PPP2R2C: variants seen among roughly 807,000 people sequenced by gnomAD.
PPP2R2C encodes protein phosphatase 2, regulatory subunit B, gamma.
PPP2R2C carries 10 observed loss-of-function variants against 45.3 expected under a neutral mutation model. The ratio of observed to expected loss-of-function variants is 0.22; its 90% confidence interval spans 0.14 to 0.37. PPP2R2C has a LOEUF of 0.37. Among genes scored for constraint, PPP2R2C ranks in the 10% least tolerant of loss-of-function variants. PPP2R2C has a pLI of 1.00. For synonymous variants in PPP2R2C, 257 were observed against 245.4 expected, an observed-to-expected ratio of 1.05 and a Z score of -0.44; for missense variants, 308 against 619.7, an observed-to-expected ratio of 0.50 and a Z score of 5.34.
intron 1 of PPP2R2C, among the ~76,000 whole-genome samples, chr4:6,440,788 C>T (rs1482803835): frequency 6.6e-6 from 1 of 152,206 alleles, no homozygotes; most frequent in Non-Finnish European, 1.5e-5. Flanking sequence ...CTTTGCTGCC[C>T]TCTGCTAGGC....
chr4:6,551,258 T>A (rs1001554719), intron 1 of PPP2R2C, among the ~76,000 whole-genome samples: 11 of 152,222 alleles, frequency 7.2e-5, no homozygotes, highest in African/African-American at 2.4e-4. Context: ...CGAGTGCTCA[T>A]GTATGTCACA....
chr4:6,363,801 C>G (rs905101193), intron 5 of PPP2R2C, among the ~76,000 whole-genome samples: 36 of 152,076 alleles, frequency 2.4e-4, no homozygotes, highest in Non-Finnish European at 4.3e-4. Context: ...TAAATGAAAG[C>G]CAGTTTCAGG....
At chr4:6,531,748 T>TA (rs1214265030) in intron 2 of PPP2R2C, among the ~76,000 whole-genome samples, 1 of 152,098 alleles carries the variant, frequency 6.6e-6, no homozygotes, top group Admixed American at 6.6e-5. Context: ...CCACTTAAGG[T>TA]AAAGCCCGGA....
intron 1 of PPP2R2C, chr4:6,382,787 G>T: frequency 1.2e-6 from 1 of 866,502 alleles, no homozygotes; most frequent in Non-Finnish European, 1.5e-6. Context: ...ACCTCTCACT[G>T]GATGACTGCC....
chr4:6,408,994 T>C (rs1717983358), intron 1 of PPP2R2C, among the ~76,000 whole-genome samples: 1 of 150,186 alleles, frequency 6.7e-6, no homozygotes, highest in South Asian at 2.1e-4. Context: ...CCCTGGACAA[T>C]CAAAACTGTG....
chr4:6,559,793 G>A (rs143970625), intron 1 of PPP2R2C, among the ~76,000 whole-genome samples: 4 of 152,302 alleles, frequency 2.6e-5, no homozygotes, highest in Admixed American at 6.5e-5. Context: ...CACTGAATCC[G>A]CCACGCCTTG....
rs1474880466 is a variant in PPP2R2C, at chr4:6,347,937, G to A, written c.699C>T (p.His233=). The change falls in exon 6 of 9, where the codon CAC becomes CAT. Residue 233 remains histidine, a synonymous_variant. Transcript: ENST00000382599. ...EVITASEFHP[H]HCNLFVYSSS... is the part of the protein sequence containing the mutation. ...TGCTGTAGACGAAGAGGTTGCAGTG[G>A]TGCGGATGGAACTCAGATGCTGTGA... 6.2e-7 allele frequency: 1 copy of A among 1,613,982 alleles called. No individual in the cohort carries two copies. The highest frequency in any genetic ancestry group is 1.3e-5 in the African/African-American group (1 of 74,892).
At position 6,382,562 on chromosome 4, in the gene PPP2R2C, G is replaced by A. The variant is rs1371458505; in HGVS notation, c.71-1468C>T. 2.3e-6 allele frequency: 3 copies of A among 1,322,680 alleles called. No individual in the cohort carries two copies. The East Asian group carries it at 1.4e-4, about 62-fold the overall frequency. 81.9% of individuals were successfully genotyped at this position (1,322,680 alleles called of 1,614,324 possible). On this transcript the variant is annotated intron_variant, in intron 1 of 8. Coordinates refer to ENST00000382599, the MANE Select transcript of PPP2R2C (RefSeq NM_020416.4). The stretch of plus-strand genomic sequence containing the variant: ...AGCCTCATCCTCTGCAGCTTCCCCA[G>A]TCTCAGGTGATGACAGCTCTATTGT...
intron 1 of PPP2R2C, among the ~76,000 whole-genome samples, chr4:6,389,942 G>C (rs1424277482): frequency 2.6e-5 from 4 of 152,150 alleles, no homozygotes; most frequent in Non-Finnish European, 4.4e-5. Flanking sequence ...TATGGGGTCA[G>C]AGATGGGAGG....
At chr4:6,347,348 C>T (rs1354466495) in intron 6 of PPP2R2C, among the ~76,000 whole-genome samples, 6 of 152,078 alleles carry the variant, frequency 3.9e-5, no homozygotes, top group African/African-American at 1.4e-4. Context: ...CCCTGTGGGA[C>T]CCCCACAGCA....
chr4:6,424,374 G>C (rs572513730), intron 1 of PPP2R2C, among the ~76,000 whole-genome samples: 1 of 152,184 alleles, frequency 6.6e-6, no homozygotes, highest in South Asian at 2.1e-4. Flanking sequence ...TCTTATAGGC[G>C]GTGCTAAGTC....
In PPP2R2C at chr4:6,323,145, G is replaced by T; in HGVS notation, c.*157C>A. ...TCTGGCCTAGGAAAGCTGGGGCAGG[G>T]AGGGGGCCCAAACTTCCTGTGTCCA... is the stretch of plus-strand genomic sequence containing the variant. On this transcript the variant is annotated 3_prime_UTR_variant, in exon 9 of 9. Coordinates refer to ENST00000382599, the MANE Select transcript of PPP2R2C (RefSeq NM_020416.4). 1 of 808,938 alleles carries T rather than the reference G, an allele frequency of 1.2e-6. No individual in the cohort carries two copies. Among genetic ancestry groups the T allele is most frequent in the Non-Finnish European group, 1.8e-6 (1 of 556,950 alleles). The allele number at this position is 808,938 out of a possible 1,614,324, so 50.1% of individuals were successfully genotyped here.
chr4:6,535,614 C>T (rs940532667), intron 1 of PPP2R2C, among the ~76,000 whole-genome samples: 3 of 152,218 alleles, frequency 2.0e-5, no homozygotes, highest in East Asian at 3.9e-4. Context: ...ACCTTCCCCT[C>T]GGGCTATTTT....
chr4:6,385,692 C>T (rs1716160477), intron 1 of PPP2R2C, among the ~76,000 whole-genome samples: 1 of 152,130 alleles, frequency 6.6e-6, no homozygotes, highest in African/African-American at 2.4e-5. Context: ...GCCTCAGCCT[C>T]CCGAGTAGTT....
At chr4:6,381,804 C>A in intron 1 of PPP2R2C, 1 of 1,614,020 alleles carries the variant, frequency 6.2e-7, no homozygotes, top group Non-Finnish European at 8.5e-7. Context: ...CAGGGCTGGC[C>A]TTCCTGGATG....
intron 6 of PPP2R2C, 33 bp downstream of exon 6, chr4:6,347,813 C>A (rs1367379544): frequency 8.2e-6 from 8 of 974,410 alleles, no homozygotes; most frequent in Admixed American, 4.0e-5. Flanking sequence ...CTGCCCAATG[C>A]ACAGCCCCCC....
chr4:6,517,356 A>G (rs1723856711), intron 2 of PPP2R2C, among the ~76,000 whole-genome samples: 1 of 152,214 alleles, frequency 6.6e-6, no homozygotes, highest in Non-Finnish European at 1.5e-5. Flanking sequence ...TGGACAACTC[A>G]GTAGCTAGGA....
In PPP2R2C at chr4:6,497,025, T is replaced by A. The variant is rs1722902093; in HGVS notation, c.49+38246A>T. 2.0e-5 allele frequency among the ~76,000 whole-genome samples: 3 copies of A among 151,958 alleles called. No individual in the cohort carries two copies. The South Asian group carries it at 6.2e-4, about 32-fold the overall frequency. On this transcript the variant is annotated intron_variant, in intron 2 of 9. Transcript: ENST00000506140. ...AGACTGTGCCAAACAACAACTGCCC[T>A]CTCTTCCTGAGGGATGGAGAAGTTC...
intron 6 of PPP2R2C, among the ~76,000 whole-genome samples, chr4:6,342,510 A>G (rs4689411): frequency 0.36 from 55,212 of 152,024 alleles, 11,211 homozygotes; most frequent in African/African-American, 0.54. Flanking sequence ...TTATTATTTC[A>G]CCCAACACCG....
Sources: gnomAD v4.1 joint callset for allele counts (sites outside exome capture counted in the v4.1 genomes callset) on GRCh38, gnomAD v4.1.1 for gene constraint, MANE v1.5 for transcripts, NCBI Gene and HGNC (gene_info 2026-07-23, HGNC 2026-07-21) for gene names.